Variants in TEK observed in about 807,000 individuals in gnomAD.
TEK encodes the protein angiopoietin-1 receptor.
Under a neutral mutation model 131.8 loss-of-function variants are expected in TEK, and 43 were observed. That is an observed-to-expected ratio of 0.33 (90% confidence interval 0.26 to 0.42). The LOEUF is 0.42. TEK is among the 10% of genes least tolerant of loss of function. TEK has a pLI of 1.00. For missense variants in TEK, 1,162 were observed against 1,384.4 expected, an observed-to-expected ratio of 0.84 and a Z score of 2.55; for synonymous variants, 580 against 491.6, an observed-to-expected ratio of 1.18 and a Z score of -2.38.
At chr9:27,109,957 G>A (rs187794105) in intron 1 of TEK, among the ~76,000 whole-genome samples, 5 of 132,310 alleles carry the variant, frequency 3.8e-5, no homozygotes, top group Admixed American at 3.5e-4. Context: ...CCTCATTCTG[G>A]AGTGTTTTTC....
intron 8 of TEK, 123 bp from the exon 9 acceptor site, chr9:27,185,362 C>T (rs1047485110): frequency 5.8e-6 from 7 of 1,217,252 alleles, no homozygotes; most frequent in Non-Finnish European, 8.4e-6. Flanking sequence ...ATTAGCATTA[C>T]ATTTAGCTTC....
intron 15 of TEK, among the ~76,000 whole-genome samples, chr9:27,208,464 A>C (rs1825482600): frequency 6.6e-6 from 1 of 152,134 alleles, no homozygotes; most frequent in South Asian, 2.1e-4. Flanking sequence ...CTCTGGTTAA[A>C]GTGCTAGTGG....
intron 4 of TEK, among the ~76,000 whole-genome samples, chr9:27,171,479 T>C (rs1823954680): frequency 6.6e-6 from 1 of 152,204 alleles, no homozygotes; most frequent in South Asian, 2.1e-4. Context: ...GGCACGTGTA[T>C]AATTAGCTAA....
intron 1 of TEK, among the ~76,000 whole-genome samples, chr9:27,114,432 A>G (rs539318647): frequency 3.9e-5 from 6 of 152,248 alleles, no homozygotes; most frequent in African/African-American, 1.2e-4. Context: ...TTAGCTGGGC[A>G]TGGTGGCATG....
chr9:27,157,069 T>C (rs1006184190), intron 1 of TEK, among the ~76,000 whole-genome samples: 2 of 152,218 alleles, frequency 1.3e-5, no homozygotes, highest in South Asian at 4.1e-4. Context: ...GTGTACTTCC[T>C]CATTTACAGA....
intron 13 of TEK, among the ~76,000 whole-genome samples, chr9:27,204,398 T>C (rs1446633436): frequency 6.6e-6 from 1 of 152,152 alleles, no homozygotes; most frequent in East Asian, 1.9e-4. Context: ...TCCCTCCCTC[T>C]CTCTCTTCTT....
chr9:27,220,008 C>T lies in TEK; in HGVS notation c.3104-41C>T, dbSNP rs578147149. 3.2e-5 allele frequency: 51 copies of T among 1,597,798 alleles called. No individual in the cohort carries two copies. The East Asian group carries it at 1.1e-3, about 35-fold the overall frequency. On this transcript the variant is annotated intron_variant, in intron 20 of 22. Coordinates refer to ENST00000380036, the MANE Select transcript of TEK (RefSeq NM_000459.5). ...ACCCTGGACAGGAAGCATTGCTTTT[C>T]ATGCCAGAGAGGACTTAGAGTGGCA...
At chr9:27,218,914 G>A in intron 20 of TEK, 97 bp downstream of exon 20, 1 of 1,203,224 alleles carries the variant, frequency 8.3e-7, no homozygotes. Context: ...GATGCCGTTT[G>A]TATGTGGTTC....
intron 16 of TEK, chr9:27,210,358 T>C (rs555502229): frequency 1.0e-3 from 158 of 158,148 alleles, no homozygotes; most frequent in Non-Finnish European, 1.8e-3. Flanking sequence ...CGCCTGACTT[T>C]CTGTACAAAC....
At chr9:27,173,158 A>T in intron 5 of TEK, 64 bp from the exon 6 acceptor site, 1 of 1,597,838 alleles carries the variant, frequency 6.3e-7, no homozygotes, top group Non-Finnish European at 8.6e-7. Context: ...ATGAATCTAA[A>T]GAATTATGTA....
At chr9:27,139,212 C>CAAAAAG (rs1554689748) in intron 1 of TEK, among the ~76,000 whole-genome samples, 1 of 57,402 alleles carries the variant, frequency 1.7e-5, no homozygotes, top group African/African-American at 7.0e-5. Context: ...GACTCTGTCT[C>CAAAAAG]AAAAAAAAAA....
At chr9:27,139,513 C>A (rs962675109) in intron 1 of TEK, among the ~76,000 whole-genome samples, 1 of 151,252 alleles carries the variant, frequency 6.6e-6, no homozygotes, top group Admixed American at 6.6e-5. Context: ...TTAGTTGAGA[C>A]GGGGTTTCAC....
Position 27,109,471 on chromosome 9 carries a change from C to G in TEK, c.-120C>G. On this transcript the variant is annotated 5_prime_UTR_variant, in exon 1 of 23. Transcript: ENST00000380036. ...CTGTGCTGTTCCTTCTTGCCTCTAA[C>G]TTGTAAACAAGACGTAGTAGGACGA... The G allele has an allele frequency of 9.7e-7, 1 of 1,027,814 alleles. No individual in the cohort carries two copies. 63.7% of individuals were successfully genotyped at this position (1,027,814 alleles called of 1,614,324 possible). A position where few individuals can be genotyped will look rare whatever the true frequency, so the allele number is the denominator to read the frequency against.
At chr9:27,156,825 T>C (rs577903166) in intron 1 of TEK, among the ~76,000 whole-genome samples, 8 of 152,302 alleles carry the variant, frequency 5.3e-5, no homozygotes, top group African/African-American at 1.7e-4. Flanking sequence ...ATCACTCAAT[T>C]GATTTTTCTA....
At chr9:27,193,031 T>G (rs755545723) in intron 11 of TEK, among the ~76,000 whole-genome samples, 76 of 152,198 alleles carry the variant, frequency 5.0e-4, no homozygotes, top group Non-Finnish European at 8.8e-4. Context: ...CACAGGCATA[T>G]TTTAGAAGTC....
Position 27,212,829 on chromosome 9 carries a change from T to C in TEK, c.2809T>C (p.Ser937Pro). ...TGCCAATAGCACCGCGTCCACACTG[T>C]CCTCCCAGCAGCTCCTTCACTTCGC... ...AIANSTASTL[S>P]SQQLLHFAAD... The change falls in exon 17 of 23, where the codon TCC becomes CCC. Residue 937 changes from serine (S) to proline (P), a missense_variant. This residue lies in a region of TEK where 107 missense variants were observed against 173.9 expected (regional missense o/e 0.62). Transcript: ENST00000380036. 6.2e-7 allele frequency: 1 copy of C among 1,614,152 alleles called. No individual in the cohort carries two copies. Among genetic ancestry groups the C allele is most frequent in the Non-Finnish European group, 8.5e-7 (1 of 1,180,012 alleles).
At chr9:27,168,701 G>T (rs1823834866) in intron 3 of TEK, 96 bp downstream of exon 3, 1 of 979,922 alleles carries the variant, frequency 1.0e-6, no homozygotes, top group Admixed American at 2.0e-5. Flanking sequence ...CTTGTGGGCA[G>T]ATGTTTGAAT....
At chr9:27,197,627 A>T (rs1429548716) in intron 12 of TEK, 28 bp downstream of exon 12, 1 of 1,613,176 alleles carries the variant, frequency 6.2e-7, no homozygotes, top group Admixed American at 1.7e-5. Context: ...CTCCAGCCTC[A>T]TCTGAGCAAT....
chr9:27,155,278 G>A (rs1187582036), intron 1 of TEK, among the ~76,000 whole-genome samples: 1 of 152,124 alleles, frequency 6.6e-6, no homozygotes, highest in African/African-American at 2.4e-5. Flanking sequence ...GTAGCTCGTC[G>A]TCTCTTTCAA....
Sources: allele counts gnomAD v4.1 joint callset (sites outside exome capture counted in the v4.1 genomes callset), GRCh38; gene constraint gnomAD v4.1.1; regional missense constraint gnomAD v4.1.1; transcripts MANE v1.5; gene names NCBI Gene and HGNC (gene_info 2026-07-23, HGNC 2026-07-21).